Variants in RAB11FIP3 observed in about 807,000 individuals in gnomAD.
RAB11FIP3 encodes rab11 family-interacting protein 3.
In RAB11FIP3, 17 loss-of-function variants were observed where a neutral mutation model predicts 77.8. The ratio of observed to expected loss-of-function variants is 0.22; its 90% CI spans 0.15 to 0.33. The LOEUF (loss-of-function observed/expected upper bound fraction) is 0.33. RAB11FIP3 is among the 10% of genes least tolerant of loss of function. RAB11FIP3 has a pLI of 1.00. For missense variants in RAB11FIP3, 1,005 were observed against 1,011.2 expected (o/e 0.99, Z 0.08); for synonymous variants, 437 against 448.2 (o/e 0.98, Z 0.31).
At position 518,832 on chromosome 16, in the gene RAB11FIP3, G is replaced by A. The variant is rs188803776; in HGVS notation, c.1641-111G>A. ...GGATTGGCCCTGGTCGTTTGGGGGCGTCTGTTGGTCACAGGGCGGCCCCAG... is the reference window on the plus strand; with the variant it reads ...GGATTGGCCCTGGTCGTTTGGGGGCATCTGTTGGTCACAGGGCGGCCCCAG... On this transcript the variant is annotated intron_variant, in intron 9 of 13. Coordinates refer to ENST00000262305, the MANE Select transcript of RAB11FIP3 (RefSeq NM_014700.4). 43 of 1,038,422 alleles carry A rather than the reference G, an allele frequency of 4.1e-5. No individual in the cohort carries two copies. The East Asian group carries it at 4.5e-4, about 11-fold the overall frequency. The allele number at this position is 1,038,422 out of a possible 1,614,324, so 64.3% of individuals were successfully genotyped here.
At chr16:468,474 C>T (rs960000189) in intron 2 of RAB11FIP3, among the ~76,000 whole-genome samples, 3 of 152,068 alleles carry the variant, frequency 2.0e-5, no homozygotes, top group Non-Finnish European at 4.4e-5. Flanking sequence ...GGAATTATTT[C>T]ATAGCATTTA....
intron 1 of RAB11FIP3, among the ~76,000 whole-genome samples, chr16:446,040 C>G (rs2055311581): frequency 6.6e-6 from 1 of 152,088 alleles, no homozygotes; most frequent in Non-Finnish European, 1.5e-5. Context: ...TTGGGTCCTA[C>G]TTGCTCTTGG....
intron 1 of RAB11FIP3, among the ~76,000 whole-genome samples, chr16:451,162 C>T (rs902587870): frequency 1.6e-4 from 24 of 151,890 alleles, no homozygotes; most frequent in African/African-American, 5.3e-4. Flanking sequence ...TGAATTGTAC[C>T]CTTCAGATGG....
At chr16:480,613 C>T (rs974859486) in intron 3 of RAB11FIP3, among the ~76,000 whole-genome samples, 4 of 152,082 alleles carry the variant, frequency 2.6e-5, no homozygotes, top group African/African-American at 9.7e-5. Context: ...GATTCTTCTG[C>T]CTCAGTCTCC....
At chr16:452,085 A>G (rs760703222) in intron 1 of RAB11FIP3, among the ~76,000 whole-genome samples, 9 of 152,158 alleles carry the variant, frequency 5.9e-5, no homozygotes, top group Admixed American at 6.6e-5. Context: ...GGGAGGGCAG[A>G]TGTTGCAGTG....
chr16:499,795 CAAAAAAAAAAAA>C (rs11319631), intron 6 of RAB11FIP3, among the ~76,000 whole-genome samples: 1 of 53,966 alleles, frequency 1.9e-5, no homozygotes, highest in Non-Finnish European at 4.0e-5. Flanking sequence ...AAGACTGTCT[CAAAAAAAAAAAA>C]AAAAAAAAAA....
At chr16:429,819 AT>A (rs1596177212) in intron 1 of RAB11FIP3, among the ~76,000 whole-genome samples, 1 of 152,076 alleles carries the variant, frequency 6.6e-6, no homozygotes, top group Non-Finnish European at 1.5e-5. Flanking sequence ...TTTTTATCAA[AT>A]TTTCAGAGGT....
chr16:478,620 T>C (rs1407473819), intron 3 of RAB11FIP3, among the ~76,000 whole-genome samples: 1 of 152,218 alleles, frequency 6.6e-6, no homozygotes, highest in Non-Finnish European at 1.5e-5. Flanking sequence ...CATGAAATGT[T>C]GGCCACTTTT....
chr16:466,517 C>T (rs954726597), intron 2 of RAB11FIP3, among the ~76,000 whole-genome samples: 4 of 152,154 alleles, frequency 2.6e-5, no homozygotes, highest in African/African-American at 9.7e-5. Flanking sequence ...GAGATGCCCA[C>T]CAAGCAAAAT....
At chr16:495,425 G>A (rs1255915983) in intron 5 of RAB11FIP3, among the ~76,000 whole-genome samples, 7 of 152,208 alleles carry the variant, frequency 4.6e-5, no homozygotes, top group Non-Finnish European at 1.5e-5. Context: ...CAGGACACTT[G>A]GCAGAGGCAC....
At chr16:428,932 G>A (rs573000676) in intron 1 of RAB11FIP3, among the ~76,000 whole-genome samples, 27 of 152,166 alleles carry the variant, frequency 1.8e-4, no homozygotes, top group Non-Finnish European at 3.4e-4. Context: ...TGGGGGCAAG[G>A]GCTGGATGAC....
intron 1 of RAB11FIP3, among the ~76,000 whole-genome samples, chr16:434,250 T>G (rs746947402): frequency 4.6e-5 from 7 of 152,198 alleles, no homozygotes; most frequent in Non-Finnish European, 1.0e-4. Context: ...GCCTCCTTAG[T>G]AGCTGGGATT....
At chr16:447,831 T>C (rs531686940) in intron 1 of RAB11FIP3, among the ~76,000 whole-genome samples, 32 of 152,318 alleles carry the variant, frequency 2.1e-4, no homozygotes, top group Non-Finnish European at 4.0e-4. Flanking sequence ...GTCTGGTTAA[T>C]GTGAACAACA....
At chr16:492,386 A>AGGGGCCCTCCCGG (rs1567391915) in intron 5 of RAB11FIP3, among the ~76,000 whole-genome samples, 1 of 143,392 alleles carries the variant, frequency 7.0e-6, no homozygotes, top group African/African-American at 2.6e-5. Context: ...GAGGCCGCCC[A>AGGGGCCCTCCCGG]GAGCCCTCCC....
chr16:466,698 T>C (rs1056785447), intron 2 of RAB11FIP3, among the ~76,000 whole-genome samples: 1 of 152,190 alleles, frequency 6.6e-6, no homozygotes, highest in Admixed American at 6.5e-5. Flanking sequence ...AGATGTTTCT[T>C]AGTGGTTGCC....
At chr16:481,440 C>A (rs2056040122) in intron 3 of RAB11FIP3, among the ~76,000 whole-genome samples, 2 of 152,054 alleles carry the variant, frequency 1.3e-5, no homozygotes, top group African/African-American at 4.8e-5. Flanking sequence ...GAACACAGGC[C>A]ACGTAGGTTG....
intron 1 of RAB11FIP3, among the ~76,000 whole-genome samples, chr16:448,906 ACT>A (rs140249978): frequency 0.066 from 10,060 of 152,084 alleles, 345 homozygotes; most frequent in Middle Eastern, 0.078. Flanking sequence ...CAAGAGTGAA[ACT>A]CTGTCTAAAA....
intron 1 of RAB11FIP3, among the ~76,000 whole-genome samples, chr16:440,926 G>C (rs1042528914): frequency 1.3e-5 from 2 of 151,906 alleles, no homozygotes; most frequent in African/African-American, 4.8e-5. Context: ...AGGAAGGTCA[G>C]CTGAGTCCAT....
At chr16:446,403 C>T (rs562340943) in intron 1 of RAB11FIP3, among the ~76,000 whole-genome samples, 14 of 152,266 alleles carry the variant, frequency 9.2e-5, no homozygotes, top group Admixed American at 8.5e-4. Flanking sequence ...GTGGGCTTTC[C>T]TTGGGAGCAG....
Sources: gnomAD v4.1 joint callset for allele counts (sites outside exome capture counted in the v4.1 genomes callset) on GRCh38, gnomAD v4.1.1 for gene constraint, MANE v1.5 for transcripts, NCBI Gene and HGNC (gene_info 2026-07-23, HGNC 2026-07-21) for gene names.